Variants in PDE3B observed in about 807,000 individuals in gnomAD.
The protein encoded by PDE3B is phosphodiesterase 3B, also known as cGMP-inhibited 3',5'-cyclic phosphodiesterase 3B.
Under a neutral mutation model 116.8 loss-of-function variants are expected in PDE3B, and 66 were observed. That is an observed-to-expected ratio of 0.56 (90% CI 0.46 to 0.69). The LOEUF (loss-of-function observed/expected upper bound fraction) is 0.69, where lower values mean the gene tolerates loss of function less well. Ranked by LOEUF, PDE3B falls within the 30% of genes least tolerant of loss-of-function variation. The pLI is 0.00. For synonymous variants in PDE3B, 595 were observed against 533.6 expected, an observed-to-expected ratio of 1.12 and a Z score of -1.59; for missense variants, 1,384 against 1,368.1, an observed-to-expected ratio of 1.01 and a Z score of -0.18.
intron 2 of PDE3B, among the ~76,000 whole-genome samples, chr11:14,785,386 A>G (rs1858158063): frequency 6.6e-6 from 1 of 152,108 alleles, no homozygotes; most frequent in East Asian, 1.9e-4. Flanking sequence ...ATAAGAAAAA[A>G]AATTCCGCAA....
At chr11:14,712,466 G>GTTTTTTTTT (rs58004646) in intron 1 of PDE3B, among the ~76,000 whole-genome samples, 1 of 76,286 alleles carries the variant, frequency 1.3e-5, no homozygotes, top group Non-Finnish European at 2.3e-5. Context: ...GTACAAGCTT[G>GTTTTTTTTT]TTTTTTTTTT....
chr11:14,830,243 A>G (rs1417461193), intron 7 of PDE3B, among the ~76,000 whole-genome samples: 1 of 152,182 alleles, frequency 6.6e-6, no homozygotes, highest in Non-Finnish European at 1.5e-5. Flanking sequence ...GATTTGAGAA[A>G]AGAAATTATT....
chr11:14,757,752 G>T (rs1163176946), intron 1 of PDE3B, among the ~76,000 whole-genome samples: 316 of 149,176 alleles, frequency 2.1e-3, no homozygotes, highest in Middle Eastern at 6.8e-3. Flanking sequence ...ATTTTGTAGG[G>T]TGCCTGTTCA....
intron 1 of PDE3B, among the ~76,000 whole-genome samples, chr11:14,747,057 A>T (rs1856928263): frequency 6.6e-6 from 1 of 152,186 alleles, no homozygotes; most frequent in Non-Finnish European, 1.5e-5. Context: ...GCAAAGGCGG[A>T]GGAGGTGTGT....
chr11:14,766,414 T>C (rs1857499289), intron 1 of PDE3B, among the ~76,000 whole-genome samples: 2 of 151,758 alleles, frequency 1.3e-5, no homozygotes, highest in Admixed American at 1.3e-4. Context: ...AGTCACTTGC[T>C]AAGTTGATGG....
chr11:14,698,099 A>G (rs567780923), intron 1 of PDE3B, among the ~76,000 whole-genome samples: 8 of 152,014 alleles, frequency 5.3e-5, no homozygotes, highest in Non-Finnish European at 7.4e-5. Context: ...CATTTTACCA[A>G]TCTAATAAAT....
At chr11:14,849,037 T>C (rs1847678774) in intron 12 of PDE3B, among the ~76,000 whole-genome samples, 1 of 152,030 alleles carries the variant, frequency 6.6e-6, no homozygotes, top group Non-Finnish European at 1.5e-5. Flanking sequence ...AAGTCAATCC[T>C]AAGCCAAAAG....
intron 1 of PDE3B, among the ~76,000 whole-genome samples, chr11:14,755,390 A>G (rs988357178): frequency 6.6e-6 from 1 of 152,212 alleles, no homozygotes; most frequent in Non-Finnish European, 1.5e-5. Flanking sequence ...ACTGGAAATG[A>G]TTATTTACAG....
At chr11:14,786,300 C>T (rs894938191) in intron 2 of PDE3B, 137 bp from the exon 3 acceptor site, 19 of 577,986 alleles carry the variant, frequency 3.3e-5, no homozygotes, top group East Asian at 9.6e-5. Context: ...AATCAGCTAG[C>T]GAAAAAGAAA....
chr11:14,678,061 T>C (rs563982619), intron 1 of PDE3B, among the ~76,000 whole-genome samples: 15 of 152,230 alleles, frequency 9.9e-5, no homozygotes, highest in African/African-American at 3.6e-4. Context: ...CCGGAGTAGC[T>C]GGGATTACAG....
At chr11:14,699,752 C>A (rs1855310662) in intron 1 of PDE3B, among the ~76,000 whole-genome samples, 1 of 151,774 alleles carries the variant, frequency 6.6e-6, no homozygotes, top group Non-Finnish European at 1.5e-5. Context: ...GAACATTTGG[C>A]TCCCTCTGAA....
chr11:14,711,654 C>T (rs1428925447), intron 1 of PDE3B, among the ~76,000 whole-genome samples: 3 of 152,116 alleles, frequency 2.0e-5, no homozygotes, highest in Non-Finnish European at 4.4e-5. Context: ...TAGCACCAAG[C>T]CATGAGGAAC....
chr11:14,646,945 T>G (rs1307297330), intron 1 of PDE3B, among the ~76,000 whole-genome samples: 1 of 152,120 alleles, frequency 6.6e-6, no homozygotes, highest in African/African-American at 2.4e-5. Flanking sequence ...ATGTGAATAG[T>G]TCAGGGTTTA....
At chr11:14,781,979 G>C (rs1050329413) in intron 2 of PDE3B, among the ~76,000 whole-genome samples, 1 of 152,126 alleles carries the variant, frequency 6.6e-6, no homozygotes, top group South Asian at 2.1e-4. Flanking sequence ...GGATACAAAA[G>C]CAATGTGCAG....
intron 12 of PDE3B, among the ~76,000 whole-genome samples, chr11:14,848,249 C>T (rs1255316416): frequency 7.9e-5 from 11 of 139,976 alleles, no homozygotes; most frequent in Admixed American, 6.6e-4. Context: ...ACATGATTAT[C>T]TCAATAGATG....
At chr11:14,657,003 C>G (rs776232934) in intron 1 of PDE3B, among the ~76,000 whole-genome samples, 3 of 152,020 alleles carry the variant, frequency 2.0e-5, no homozygotes, top group Non-Finnish European at 4.4e-5. Context: ...AGAAAAGATA[C>G]AAGGAGTAAT....
chr11:14,822,267 A>G (rs1422848924), intron 7 of PDE3B, among the ~76,000 whole-genome samples: 1 of 152,208 alleles, frequency 6.6e-6, no homozygotes, highest in East Asian at 1.9e-4. Context: ...TGTAATTATC[A>G]TATAATCAGC....
chr11:14,765,501 TAAA>T (rs1857474738), intron 1 of PDE3B, among the ~76,000 whole-genome samples: 1 of 151,848 alleles, frequency 6.6e-6, no homozygotes. Context: ...TGAATGTAAA[TAAA>T]GGTGCAGTCT....
the PDE3B span, chr11:14,890,476 G>A: frequency 1.0e-6 from 1 of 973,868 alleles, no homozygotes; most frequent in Non-Finnish European, 1.2e-6. Context: ...TAAACTATTC[G>A]TGAACCATGA....
Sources: allele counts gnomAD v4.1 joint callset (sites outside exome capture counted in the v4.1 genomes callset), GRCh38; gene constraint gnomAD v4.1.1; transcripts MANE v1.5; gene names NCBI Gene and HGNC (gene_info 2026-07-23, HGNC 2026-07-21).